Variants in GCA observed in about 807,000 individuals in gnomAD.
The protein encoded by GCA is grancalcin, EF-hand calcium-binding protein.
A neutral mutation model predicts 32.6 loss-of-function variants in GCA; 30 were observed. The observed-to-expected ratio is 0.92, with a 90% CI of 0.69 to 1.25. The LOEUF (loss-of-function observed/expected upper bound fraction) is 1.25. GCA is among the 50% of genes most tolerant of loss of function. The pLI, the probability that GCA is intolerant of heterozygous loss-of-function variation, is 0.00. For missense variants in GCA, 291 were observed against 266.8 expected (o/e 1.09, Z -0.63); for synonymous variants, 102 against 84.6 (o/e 1.21, Z -1.13).
downstream of GCA, among the ~76,000 whole-genome samples, chr2:162,373,834 C>A (rs1433512295): frequency 6.6e-6 from 1 of 152,184 alleles, no homozygotes; most frequent in Non-Finnish European, 1.5e-5. Flanking sequence ...CTGTGTATGT[C>A]TCACTAATTA....
At chr2:162,365,353 T>A (rs1685718687), downstream of GCA, among the ~76,000 whole-genome samples, 1 of 151,666 alleles carries the variant, frequency 6.6e-6, no homozygotes, top group South Asian at 2.1e-4. Context: ...TACAGTTATC[T>A]GTAGAAGCTT....
chr2:162,361,815 G>T lies in GCA; in HGVS notation c.*1572G>T. 2.0e-6 allele frequency: 2 copies of T among 984,400 alleles called. No individual in the cohort carries two copies. Among genetic ancestry groups the T allele is most frequent in the Non-Finnish European group, 2.4e-6 (2 of 829,212 alleles). The allele number at this position is 984,400 out of a possible 1,614,324, so 61.0% of individuals were successfully genotyped here. ...CAGAATTCTAATTAGAAGTGTTGTAGGAAAAAGCAAATGTGAAAACACTAA... is the reference window on the plus strand; with the variant it reads ...CAGAATTCTAATTAGAAGTGTTGTATGAAAAAGCAAATGTGAAAACACTAA... On this transcript the variant is annotated 3_prime_UTR_variant, in exon 8 of 8. Coordinates refer to ENST00000437150, the MANE Select transcript of GCA (RefSeq NM_012198.5).
downstream of GCA, among the ~76,000 whole-genome samples, chr2:162,372,790 T>G (rs1302555772): frequency 6.6e-6 from 1 of 152,190 alleles, no homozygotes; most frequent in Non-Finnish European, 1.5e-5. Context: ...TAATTAAGAC[T>G]AATTCCCAAA....
At chr2:162,340,558 G>A (rs961773479), upstream of GCA, among the ~76,000 whole-genome samples, 3 of 152,124 alleles carry the variant, frequency 2.0e-5, no homozygotes, top group Admixed American at 2.0e-4. Flanking sequence ...AGCTGAAAGA[G>A]TGAGCCTTCC....
chr2:162,335,809 G>A (rs2105283936), intron 1 of GCA, among the ~76,000 whole-genome samples: 1 of 152,302 alleles, frequency 6.6e-6, no homozygotes, highest in South Asian at 2.1e-4. Context: ...TGAACTTGGA[G>A]TCAATTGTCA....
exon 1 of GCA, chr2:162,319,043 C>A: frequency 4.8e-6 from 2 of 419,670 alleles, no homozygotes; most frequent in South Asian, 3.3e-5. Flanking sequence ...AGGGAGTTAC[C>A]CTCGGCTGGT....
At chr2:162,327,589 T>C (rs534626920) in intron 1 of GCA, among the ~76,000 whole-genome samples, 45 of 152,176 alleles carry the variant, frequency 3.0e-4, no homozygotes, top group Non-Finnish European at 6.0e-4. Flanking sequence ...ATTGCCTGTT[T>C]GCTCCTGCTC....
chr2:162,359,495 T>C lies in GCA; in HGVS notation c.570T>C (p.Asp190=). The C allele has an allele frequency of 6.8e-7, 1 of 1,471,988 alleles. No homozygotes were observed. Among genetic ancestry groups the C allele is most frequent in the Non-Finnish European group, 9.4e-7 (1 of 1,063,396 alleles). The allele number at this position is 1,471,988 out of a possible 1,614,324, so 91.2% of individuals were successfully genotyped here. A position where few individuals can be genotyped will look rare whatever the true frequency, so the allele number is the denominator to read the frequency against. The part of the protein sequence containing the change: ...ACCVKLRALT[D]FFRKRDHLQQ... ...AAAAAGTAATTTCTTTGTTTAAAGA[T>C]TTCTTTAGGAAAAGAGACCACTTGC... The change falls in exon 7 of 8, where the codon GAT becomes GAC. Residue 190 remains aspartate (D), a splice_region_variant and synonymous_variant. Coordinates refer to ENST00000437150, the MANE Select transcript of GCA (RefSeq NM_012198.5).
chr2:162,332,578 CAT>C (rs1353574971), intron 1 of GCA, among the ~76,000 whole-genome samples: 1 of 151,952 alleles, frequency 6.6e-6, no homozygotes, highest in Non-Finnish European at 1.5e-5. Flanking sequence ...TTGCATAACT[CAT>C]GCCTACTAAC....
chr2:162,322,477 T>C (rs973540289), intron 1 of GCA, among the ~76,000 whole-genome samples: 20 of 151,348 alleles, frequency 1.3e-4, no homozygotes, highest in Admixed American at 6.6e-5. Context: ...TACATATGTA[T>C]ACATGTGTCA....
intron 2 of GCA, among the ~76,000 whole-genome samples, chr2:162,350,401 GC>G (rs1684932645): frequency 6.6e-6 from 1 of 152,094 alleles, no homozygotes; most frequent in African/African-American, 2.4e-5. Flanking sequence ...GTTCTGCCTA[GC>G]CTCAGACCTA....
chr2:162,353,450 G>A (rs1237741414), intron 3 of GCA, among the ~76,000 whole-genome samples: 1 of 152,194 alleles, frequency 6.6e-6, no homozygotes, highest in Non-Finnish European at 1.5e-5. Context: ...CCTGGTGACA[G>A]AGTGAGACAT....
At chr2:162,340,544 C>T (rs2105293478), upstream of GCA, among the ~76,000 whole-genome samples, 1 of 152,320 alleles carries the variant, frequency 6.6e-6, no homozygotes. Context: ...TGTCTGTTGT[C>T]AACAGCTGAA....
Position 162,362,301 on chromosome 2 carries a change from T to C in GCA, c.*2058T>C. 1 of 984,542 alleles carries C rather than the reference T, an allele frequency of 1.0e-6. No homozygotes were observed. Among genetic ancestry groups the C allele is most frequent in the Non-Finnish European group, 1.2e-6 (1 of 829,384 alleles). 61.0% of individuals were successfully genotyped at this position (984,542 alleles called of 1,614,324 possible). On this transcript the variant is annotated 3_prime_UTR_variant, in exon 8 of 8. Coordinates refer to ENST00000437150, the MANE Select transcript of GCA (RefSeq NM_012198.5). ...AACATTCTATGCCGATCCAACTTAATTGCCAGGCAACTCTTCTGCACTTTA... is the reference window on the plus strand; with the variant it reads ...AACATTCTATGCCGATCCAACTTAACTGCCAGGCAACTCTTCTGCACTTTA...
Position 162,360,282 on chromosome 2 carries a change from C to G in GCA, c.*39C>G. 3 of 1,577,366 alleles carry G rather than the reference C, an allele frequency of 1.9e-6. No individual in the cohort carries two copies. In the East Asian group the frequency reaches 6.9e-5, roughly 36 times the overall value. On this transcript the variant is annotated 3_prime_UTR_variant, in exon 8 of 8. Transcript: ENST00000437150. Reference sequence around the variant, plus strand: ...TAAACCTGAAGAGACACTGTGAATTCTTTTGTTTGGAAGAAGTGAACTGGA... The same window carrying G: ...TAAACCTGAAGAGACACTGTGAATTGTTTTGTTTGGAAGAAGTGAACTGGA...
Position 162,356,908 on chromosome 2 carries a change from AAGAACATTAAC to A in GCA, c.454+5_454+15del, listed in dbSNP as rs1558902009. 2 of 1,585,264 alleles carry A rather than the reference AAGAACATTAAC, an allele frequency of 1.3e-6. No individual in the cohort carries two copies. The highest frequency in any genetic ancestry group is 2.2e-5 in the South Asian group (2 of 89,970). ...GCGTCAAGCCATTGGTCTTATGGGT[AAGAACATTAAC>A]ATTCTTTAGAATCTATAAAGCTAAT... On this transcript the variant is annotated splice_donor_5th_base_variant and intron_variant, in intron 5 of 7. Transcript: ENST00000437150.
chr2:162,333,806 G>A (rs1684174883), intron 1 of GCA, among the ~76,000 whole-genome samples: 1 of 151,574 alleles, frequency 6.6e-6, no homozygotes. Flanking sequence ...GACTGCTTAT[G>A]TGCTCACAAA....
chr2:162,329,187 C>G (rs1683991021), intron 1 of GCA, among the ~76,000 whole-genome samples: 1 of 152,138 alleles, frequency 6.6e-6, no homozygotes, highest in South Asian at 2.1e-4. Context: ...AATGCCTGTC[C>G]TCACCTAGGT....
intron 2 of GCA, among the ~76,000 whole-genome samples, chr2:162,349,342 T>C (rs1192623258): frequency 6.6e-6 from 1 of 152,174 alleles, no homozygotes; most frequent in African/African-American, 2.4e-5. Context: ...GTATTGATGT[T>C]TATCTCCTGT....
Sources: gnomAD v4.1 joint callset for allele counts (sites outside exome capture counted in the v4.1 genomes callset) on GRCh38, gnomAD v4.1.1 for gene constraint, MANE v1.5 for transcripts, NCBI Gene and HGNC (gene_info 2026-07-23, HGNC 2026-07-21) for gene names.